CDH4: variants seen among roughly 807,000 people sequenced by gnomAD.
The protein encoded by CDH4 is cadherin 4, also known as cadherin-4.
In CDH4, 33 loss-of-function variants were observed where a neutral mutation model predicts 86.0. That is an observed-to-expected ratio of 0.38 (90% CI 0.29 to 0.51). CDH4 has a LOEUF of 0.51. CDH4 is among the 20% of genes least tolerant of loss of function. The pLI is 0.86. For synonymous variants in CDH4, 555 were observed against 549.4 expected, an observed-to-expected ratio of 1.01 and a Z score of -0.14; for missense variants, 1,114 against 1,307.4, an observed-to-expected ratio of 0.85 and a Z score of 2.28.
At chr20:61,400,740 G>A (rs1367762706) in intron 2 of CDH4, among the ~76,000 whole-genome samples, 2 of 152,126 alleles carry the variant, frequency 1.3e-5, no homozygotes, top group Admixed American at 6.5e-5. Context: ...GGACAACAAG[G>A]GCTCCTGGCT....
chr20:61,459,660 G>A (rs1267612470), intron 2 of CDH4, among the ~76,000 whole-genome samples: 1 of 151,432 alleles, frequency 6.6e-6, no homozygotes, highest in Non-Finnish European at 1.5e-5. Flanking sequence ...AGGCTGACCT[G>A]TGGTCCAGGG....
rs1250226866 is a variant in CDH4, at chr20:61,940,227, ACTTTT to A, written c.*3292_*3296del. The stretch of plus-strand genomic sequence containing the variant: ...TCTCTGTACAATTGGAATGCGTTTT[ACTTTT>A]CTTTTCTCTCCTTTTTTCATTCCGA... On this transcript the variant is annotated 3_prime_UTR_variant, in exon 16 of 16. Coordinates refer to ENST00000614565, the MANE Select transcript of CDH4 (RefSeq NM_001794.5). 2.6e-5 allele frequency: 4 copies of A among 152,002 alleles called. No individual in the cohort carries two copies. Among genetic ancestry groups the A allele is most frequent in the African/African-American group, 7.2e-5 (3 of 41,392 alleles). 9.4% of individuals were successfully genotyped at this position (152,002 alleles called of 1,614,324 possible). A position where few individuals can be genotyped will look rare whatever the true frequency, so the allele number is the denominator to read the frequency against.
At chr20:61,815,706 C>T (rs1217653271) in intron 4 of CDH4, among the ~76,000 whole-genome samples, 4 of 152,220 alleles carry the variant, frequency 2.6e-5, no homozygotes, top group Admixed American at 6.5e-5. Flanking sequence ...GGAGGCCCGG[C>T]TGAGGGAGGT....
At chr20:61,621,561 C>T (rs932239182) in intron 2 of CDH4, among the ~76,000 whole-genome samples, 2 of 152,140 alleles carry the variant, frequency 1.3e-5, no homozygotes, top group Non-Finnish European at 2.9e-5. Flanking sequence ...CTTTCATCAC[C>T]GTCCTTCTCC....
intron 7 of CDH4, among the ~76,000 whole-genome samples, chr20:61,881,112 A>G (rs1487628180): frequency 1.3e-5 from 2 of 152,204 alleles, no homozygotes; most frequent in Non-Finnish European, 2.9e-5. Context: ...TCCTGCGGCC[A>G]CAGGGCATGA....
At chr20:61,790,940 A>G (rs904593310) in intron 4 of CDH4, among the ~76,000 whole-genome samples, 3 of 151,958 alleles carry the variant, frequency 2.0e-5, no homozygotes, top group Non-Finnish European at 4.4e-5. Flanking sequence ...CTCTCCATTC[A>G]TCCATTCATC....
intron 2 of CDH4, among the ~76,000 whole-genome samples, chr20:61,616,608 C>A (rs1232821622): frequency 6.6e-6 from 1 of 152,172 alleles, no homozygotes; most frequent in Admixed American, 6.5e-5. Flanking sequence ...GAGGGCAGGG[C>A]TGGACCTTAC....
intron 2 of CDH4, among the ~76,000 whole-genome samples, chr20:61,484,591 GCAGT>G (rs1479151227): frequency 1.3e-5 from 2 of 152,206 alleles, no homozygotes; most frequent in Non-Finnish European, 2.9e-5. Context: ...CCAGCTTCAC[GCAGT>G]CAGTCAGGAA....
chr20:61,255,211 G>A (rs930028397), intron 2 of CDH4, among the ~76,000 whole-genome samples: 3 of 152,242 alleles, frequency 2.0e-5, no homozygotes, highest in Admixed American at 2.0e-4. Flanking sequence ...TGCAGAGAGA[G>A]ACCTTCTTAC....
At chr20:61,658,432 C>T (rs1181889876) in intron 2 of CDH4, among the ~76,000 whole-genome samples, 1 of 152,208 alleles carries the variant, frequency 6.6e-6, no homozygotes, top group Non-Finnish European at 1.5e-5. Flanking sequence ...CGCAGGTGCC[C>T]AGGCACCTCA....
chr20:61,783,494 C>CTGAAAGAAATGTAAT (rs1978657587), intron 4 of CDH4, among the ~76,000 whole-genome samples: 1 of 151,634 alleles, frequency 6.6e-6, no homozygotes, highest in African/African-American at 2.4e-5. Context: ...TCCTGTGCCC[C>CTGAAAGAAATGTAAT]CGAAAGAAAT....
chr20:61,255,005 G>A, intron 2 of CDH4, 68 bp downstream of exon 2: 1 of 925,692 alleles, frequency 1.1e-6, no homozygotes, highest in Non-Finnish European at 1.8e-6. Flanking sequence ...ACATGTAGAT[G>A]GGAGAGGCAA....
intron 2 of CDH4, among the ~76,000 whole-genome samples, chr20:61,713,037 G>A (rs1482066622): frequency 1.3e-5 from 2 of 152,214 alleles, no homozygotes; most frequent in Non-Finnish European, 2.9e-5. Context: ...TAGAAAGCAG[G>A]TCAAGTGTCC....
In CDH4 at chr20:61,811,540, G is replaced by C. The variant is rs1401453558; in HGVS notation, c.577-33128G>C. Among the ~76,000 whole-genome samples the C allele has an allele frequency of 2.0e-5, 3 of 152,180 alleles. No homozygotes were observed. The highest frequency in any genetic ancestry group is 6.5e-5 in the Admixed American group (1 of 15,280). ...GAAATGGGAAAATGGTGGTTCCCTA[G>C]CCCAGAACATCCCAGGGCTCCCTGG... On this transcript the variant is annotated intron_variant, in intron 4 of 15. Transcript: ENST00000614565. The surrounding 1 kb of genome is among the most constrained non-coding windows in gnomAD (Gnocchi z 4.4).
chr20:61,636,022 G>C (rs1324319388), intron 2 of CDH4, among the ~76,000 whole-genome samples: 1 of 152,222 alleles, frequency 6.6e-6, no homozygotes, highest in African/African-American at 2.4e-5. Context: ...CCAGTACAAG[G>C]CAGGCAGGAC....
chr20:61,573,501 C>G (rs191206204), intron 2 of CDH4, among the ~76,000 whole-genome samples: 1 of 152,196 alleles, frequency 6.6e-6, no homozygotes, highest in Admixed American at 6.5e-5. Flanking sequence ...GCATGGAGAG[C>G]GCACCATCAT....
chr20:61,286,736 TGAC>T (rs1485944676), intron 2 of CDH4, among the ~76,000 whole-genome samples: 4 of 152,354 alleles, frequency 2.6e-5, no homozygotes, highest in African/African-American at 9.6e-5. Flanking sequence ...CCCGAATAGC[TGAC>T]GAGTTCATTT....
At chr20:61,333,651 C>T (rs2084598749) in intron 2 of CDH4, among the ~76,000 whole-genome samples, 1 of 152,238 alleles carries the variant, frequency 6.6e-6, no homozygotes, top group Non-Finnish European at 1.5e-5. Context: ...CCGGGCCACA[C>T]GTGGCCCACA....
intron 2 of CDH4, among the ~76,000 whole-genome samples, chr20:61,671,023 C>T (rs896355674): frequency 2.0e-5 from 3 of 152,098 alleles, no homozygotes; most frequent in Non-Finnish European, 2.9e-5. Flanking sequence ...ATATCAAATC[C>T]GGCTGCACAG....
Sources: gnomAD v4.1 joint callset for allele counts (sites outside exome capture counted in the v4.1 genomes callset) on GRCh38, gnomAD v4.1.1 for gene constraint, Gnocchi (gnomAD v3.1) non-coding constraint, MANE v1.5 for transcripts, NCBI Gene and HGNC (gene_info 2026-07-23, HGNC 2026-07-21) for gene names.